FHOD3: variants seen among roughly 807,000 people sequenced by gnomAD.
The protein encoded by FHOD3 is FH1/FH2 domain-containing protein 3.
A neutral mutation model predicts 173.0 loss-of-function variants in FHOD3; 90 were observed. The ratio of observed to expected loss-of-function variants is 0.52; its 90% CI spans 0.44 to 0.62. The LOEUF (loss-of-function observed/expected upper bound fraction) is 0.62. Ranked by LOEUF, FHOD3 falls within the 20% of genes least tolerant of loss-of-function variation. FHOD3 has a pLI of 0.00. For missense variants in FHOD3, 1,945 were observed against 2,034.7 expected (o/e 0.96, Z 0.85); for synonymous variants, 828 against 823.0 (o/e 1.01, Z -0.10).
intron 3 of FHOD3, among the ~76,000 whole-genome samples, chr18:36,443,117 T>C (rs2051249138): frequency 6.6e-6 from 1 of 152,252 alleles, no homozygotes; most frequent in Admixed American, 6.5e-5. Flanking sequence ...ATGATAACTT[T>C]GATTACTTGG....
chr18:36,590,795 G>C (rs1012948121), intron 6 of FHOD3, among the ~76,000 whole-genome samples: 24 of 152,218 alleles, frequency 1.6e-4, no homozygotes, highest in Admixed American at 2.6e-4. Flanking sequence ...GAAAAAGGAG[G>C]CTTTGCTAGA....
In FHOD3 at chr18:36,313,048, A is replaced by G. The variant is rs552445210; in HGVS notation, c.165+15048A>G. Among the ~76,000 whole-genome samples, 6 of 152,216 alleles carry G rather than the reference A, an allele frequency of 3.9e-5. No individual in the cohort carries two copies. The South Asian group carries it at 6.2e-4, about 16-fold the overall frequency. Reference sequence around the variant, plus strand: ...CTTGGGTGTCTCTCTTCATATGTCAATGGTCTCTCCCCAGGGTCTCTCTAG... The same window carrying G: ...CTTGGGTGTCTCTCTTCATATGTCAGTGGTCTCTCCCCAGGGTCTCTCTAG... On this transcript the variant is annotated intron_variant, in intron 1 of 28. Transcript: ENST00000590592.
At chr18:36,586,193 G>A (rs1481177552) in intron 6 of FHOD3, among the ~76,000 whole-genome samples, 1 of 152,192 alleles carries the variant, frequency 6.6e-6, no homozygotes, top group African/African-American at 2.4e-5. Context: ...TTAAGTTTTT[G>A]CACCAGAGTG....
At chr18:36,777,179 A>C (rs2043724389) in intron 28 of FHOD3, among the ~76,000 whole-genome samples, 1 of 150,008 alleles carries the variant, frequency 6.7e-6, no homozygotes, top group Non-Finnish European at 1.5e-5. Flanking sequence ...TGCAGCATGA[A>C]CTACTTCTTC....
chr18:36,533,772 A>G (rs2056881609), intron 5 of FHOD3, among the ~76,000 whole-genome samples: 1 of 152,170 alleles, frequency 6.6e-6, no homozygotes, highest in South Asian at 2.1e-4. Context: ...ACCTGATGAA[A>G]GAGGCTCCCC....
At chr18:36,402,173 T>A (rs1428334527) in intron 3 of FHOD3, among the ~76,000 whole-genome samples, 3 of 152,170 alleles carry the variant, frequency 2.0e-5, no homozygotes, top group African/African-American at 7.2e-5. Context: ...CGGCTGGGCG[T>A]GGTCCTTTTG....
chr18:36,772,487 A>G (rs2043428464), intron 28 of FHOD3, among the ~76,000 whole-genome samples: 1 of 152,270 alleles, frequency 6.6e-6, no homozygotes, highest in Non-Finnish European at 1.5e-5. Context: ...TCATTTGGCT[A>G]AAGACAATAA....
rs182859889 is a variant in FHOD3 at position 36,518,546 on chromosome 18, T to C, written c.511+6003T>C. Among the ~76,000 whole-genome samples, 30 of 152,312 alleles carry C rather than the reference T, an allele frequency of 2.0e-4. No individual in the cohort carries two copies. The East Asian group carries it at 4.8e-3, about 24-fold the overall frequency. On this transcript the variant is annotated intron_variant, in intron 5 of 28. Coordinates refer to ENST00000590592, the MANE Select transcript of FHOD3 (RefSeq NM_001281740.3). Reference sequence around the variant, plus strand: ...AGGACTATTTCCAATAAAAAATCACTGCAGCGTAAGCAGACTGGCAGCCTG... The same window carrying C: ...AGGACTATTTCCAATAAAAAATCACCGCAGCGTAAGCAGACTGGCAGCCTG...
intron 3 of FHOD3, among the ~76,000 whole-genome samples, chr18:36,484,311 C>T (rs796659892): frequency 1.3e-5 from 2 of 152,058 alleles, no homozygotes; most frequent in Non-Finnish European, 2.9e-5. Flanking sequence ...GCCTGAACCT[C>T]CGATGACCTG....
intron 5 of FHOD3, among the ~76,000 whole-genome samples, chr18:36,567,027 C>T (rs1053793460): frequency 1.2e-4 from 18 of 152,146 alleles, no homozygotes; most frequent in African/African-American, 4.1e-4. Flanking sequence ...TTTGAAAATG[C>T]AGGTATACAG....
At chr18:36,649,455 T>C (rs773134165) in intron 11 of FHOD3, 50 bp downstream of exon 11, 2 of 1,399,236 alleles carry the variant, frequency 1.4e-6, no homozygotes, top group Non-Finnish European at 1.9e-6. Flanking sequence ...GGGAGACTCC[T>C]TCCTAATGAT....
At chr18:36,402,348 T>C (rs2048854499) in intron 3 of FHOD3, among the ~76,000 whole-genome samples, 1 of 152,200 alleles carries the variant, frequency 6.6e-6, no homozygotes. Context: ...TCTTGATCTA[T>C]ATCCCTTATA....
intron 14 of FHOD3, among the ~76,000 whole-genome samples, chr18:36,676,105 A>G (rs1260474083): frequency 5.9e-5 from 9 of 152,252 alleles, no homozygotes; most frequent in Admixed American, 5.9e-4. Context: ...AATAAAGAGT[A>G]TCAGATATAA....
At chr18:36,453,937 C>T (rs2052014806) in intron 3 of FHOD3, among the ~76,000 whole-genome samples, 1 of 152,158 alleles carries the variant, frequency 6.6e-6, no homozygotes. Context: ...TCCTCTTATA[C>T]TGGTTTGAGC....
At chr18:36,701,634 G>A (rs145156610) in intron 17 of FHOD3, among the ~76,000 whole-genome samples, 70 of 152,288 alleles carry the variant, frequency 4.6e-4, no homozygotes, top group African/African-American at 1.5e-3. Flanking sequence ...AACCATTCCT[G>A]ATTCCAACGT....
chr18:36,323,621 A>G (rs971784561), intron 1 of FHOD3, among the ~76,000 whole-genome samples: 2 of 152,194 alleles, frequency 1.3e-5, no homozygotes, highest in African/African-American at 4.8e-5. Flanking sequence ...CCAGAGCACA[A>G]ACTGCCAAGG....
intron 6 of FHOD3, among the ~76,000 whole-genome samples, chr18:36,578,274 G>A (rs1363534291): frequency 6.6e-6 from 1 of 152,172 alleles, no homozygotes; most frequent in African/African-American, 2.4e-5. Context: ...CGGAGGAGGA[G>A]CAAAGGCACA....
intron 6 of FHOD3, among the ~76,000 whole-genome samples, chr18:36,577,454 C>A (rs936124306): frequency 6.6e-6 from 1 of 152,166 alleles, no homozygotes; most frequent in African/African-American, 2.4e-5. Context: ...GCATGACCCA[C>A]CACCCTGGGC....
At chr18:36,526,398 A>G (rs2146716727) in intron 5 of FHOD3, among the ~76,000 whole-genome samples, 1 of 151,378 alleles carries the variant, frequency 6.6e-6, no homozygotes, top group East Asian at 1.9e-4. Flanking sequence ...TTGCTTAGTC[A>G]CTCAAGATGT....
Sources: allele counts gnomAD v4.1 joint callset (sites outside exome capture counted in the v4.1 genomes callset), GRCh38; gene constraint gnomAD v4.1.1; transcripts MANE v1.5; gene names NCBI Gene and HGNC (gene_info 2026-07-23, HGNC 2026-07-21).